TENM2: variants seen among roughly 807,000 people sequenced by gnomAD.
The protein encoded by TENM2 is teneurin-2.
In TENM2, 52 loss-of-function variants were observed where a neutral mutation model predicts 245.2. The ratio of observed to expected loss-of-function variants is 0.21; its 90% CI spans 0.17 to 0.27. The LOEUF (loss-of-function observed/expected upper bound fraction) is 0.27. TENM2 is among the 10% of genes least tolerant of loss of function. The pLI is 1.00. For synonymous variants in TENM2, 1,363 were observed against 1,438.9 expected (o/e 0.95, Z 1.19); for missense variants, 3,046 against 3,666.8 (o/e 0.83, Z 4.37).
intron 2 of TENM2, among the ~76,000 whole-genome samples, chr5:167,385,014 C>T (rs78046126): frequency 0.025 from 3,820 of 152,288 alleles, 87 homozygotes; most frequent in Admixed American, 0.034. Context: ...GCAATCTATT[C>T]TGCTTACATG....
intron 3 of TENM2, among the ~76,000 whole-genome samples, chr5:167,912,444 A>G (rs1015997695): frequency 1.3e-5 from 2 of 152,214 alleles, no homozygotes; most frequent in Admixed American, 6.5e-5. Flanking sequence ...AGCAGAGGCC[A>G]GGCTTTCCCA....
chr5:168,153,784 G>T (rs977976550), intron 12 of TENM2, among the ~76,000 whole-genome samples: 1 of 152,170 alleles, frequency 6.6e-6, no homozygotes, highest in Non-Finnish European at 1.5e-5. Flanking sequence ...TCAAGAATGT[G>T]TATGTCTAAC....
intron 2 of TENM2, among the ~76,000 whole-genome samples, chr5:167,403,149 G>A (rs1349754968): frequency 3.4e-5 from 5 of 147,626 alleles, no homozygotes; most frequent in Admixed American, 6.7e-5. Context: ...GTGTGTAAGT[G>A]TGTGTGATAG....
At chr5:167,902,289 G>T (rs1775766961) in intron 3 of TENM2, among the ~76,000 whole-genome samples, 1 of 152,170 alleles carries the variant, frequency 6.6e-6, no homozygotes, top group African/African-American at 2.4e-5. Context: ...TGTAAAAAGT[G>T]CTCGACAACT....
chr5:167,965,798 T>G (rs1227938576), intron 4 of TENM2, among the ~76,000 whole-genome samples: 1 of 152,162 alleles, frequency 6.6e-6, no homozygotes, highest in Non-Finnish European at 1.5e-5. Flanking sequence ...AATTAAGTTA[T>G]TTACATGTCA....
intron 1 of TENM2, among the ~76,000 whole-genome samples, chr5:167,364,872 A>T (rs1474651729): frequency 2.0e-5 from 3 of 152,054 alleles, no homozygotes; most frequent in Non-Finnish European, 4.4e-5. Flanking sequence ...AAAACTACAG[A>T]TTTAACTCTT....
chr5:167,928,287 C>T (rs918370009), intron 3 of TENM2, among the ~76,000 whole-genome samples: 2 of 152,156 alleles, frequency 1.3e-5, no homozygotes, highest in African/African-American at 4.8e-5. Context: ...CAATTATATT[C>T]TCAAGGCCCT....
chr5:167,453,545 A>T (rs929689432), intron 2 of TENM2, among the ~76,000 whole-genome samples: 1 of 152,182 alleles, frequency 6.6e-6, no homozygotes, highest in Non-Finnish European at 1.5e-5. Context: ...TGGACAAATC[A>T]TATTGCACCT....
At chr5:168,199,152 T>C (rs1173806194) in intron 16 of TENM2, 38 bp downstream of exon 18, 1 of 1,586,794 alleles carries the variant, frequency 6.3e-7, no homozygotes, top group South Asian at 1.1e-5. Context: ...TCTCAGGACT[T>C]CCCTAACGAA....
chr5:168,200,222 C>T, intron 17 of TENM2, 91 bp downstream of exon 19: 2 of 1,224,748 alleles, frequency 1.6e-6, no homozygotes, highest in South Asian at 1.5e-5. Context: ...ATATGCCAAG[C>T]ACCATTTCAG....
intron 2 of TENM2, among the ~76,000 whole-genome samples, chr5:167,569,033 T>C (rs1168837329): frequency 7.1e-6 from 1 of 141,578 alleles, no homozygotes; most frequent in African/African-American, 2.6e-5. Flanking sequence ...AGAATGTAAA[T>C]GCCAAGTATG....
intron 2 of TENM2, among the ~76,000 whole-genome samples, chr5:167,726,749 A>C (rs919755857): frequency 2.0e-5 from 3 of 152,138 alleles, no homozygotes; most frequent in Non-Finnish European, 2.9e-5. Context: ...ATGAGCCACT[A>C]TGCTGGGCCC....
At chr5:167,200,812 T>G in the TENM2 span, among the ~76,000 whole-genome samples, 1 of 152,106 alleles carries the variant, frequency 6.6e-6, no homozygotes, top group African/African-American at 2.4e-5. Flanking sequence ...ATCCAAAGAT[T>G]TGTAACATTA....
the TENM2 span, among the ~76,000 whole-genome samples, chr5:167,274,568 C>A: frequency 1.3e-5 from 2 of 149,764 alleles, no homozygotes; most frequent in Non-Finnish European, 3.0e-5. Flanking sequence ...TTTAATTTTT[C>A]TTTTCTTTCT....
intron 2 of TENM2, among the ~76,000 whole-genome samples, chr5:167,679,379 G>A (rs1215027278): frequency 3.3e-5 from 5 of 152,028 alleles, no homozygotes; most frequent in Non-Finnish European, 5.9e-5. Flanking sequence ...TAAAATAAAA[G>A]CATTTCCTCA....
At chr5:167,358,148 C>T (rs930904994) in intron 1 of TENM2, among the ~76,000 whole-genome samples, 1 of 152,184 alleles carries the variant, frequency 6.6e-6, no homozygotes, top group African/African-American at 2.4e-5. Context: ...CAGTTACTGC[C>T]ACATTCCTTT....
chr5:168,062,000 A>G, intron 6 of TENM2, 60 bp from the exon 9 acceptor site: 5 of 1,442,698 alleles, frequency 3.5e-6, no homozygotes, highest in Non-Finnish European at 4.6e-6. Context: ...TTAAACAAAT[A>G]TAGAGCCAAC....
At chr5:167,484,376 A>G (rs1408425540) in intron 2 of TENM2, among the ~76,000 whole-genome samples, 1 of 152,108 alleles carries the variant, frequency 6.6e-6, no homozygotes, top group Non-Finnish European at 1.5e-5. Context: ...ATGTCTTTAT[A>G]AAAAGGATAA....
chr5:168,209,923 G>A (rs1762657972), intron 19 of TENM2, among the ~76,000 whole-genome samples: 1 of 152,196 alleles, frequency 6.6e-6, no homozygotes. Flanking sequence ...GACGGGCTGA[G>A]AATGCCACAA....
Sources: allele counts gnomAD v4.1 joint callset (sites outside exome capture counted in the v4.1 genomes callset), GRCh38; gene constraint gnomAD v4.1.1; transcripts MANE v1.5; gene names NCBI Gene and HGNC (gene_info 2026-07-23, HGNC 2026-07-21).